RABGAP1L: variants seen among roughly 807,000 people sequenced by gnomAD.
RABGAP1L encodes the protein RAB GTPase activating protein 1 like.
In RABGAP1L, 63 loss-of-function variants were observed where a neutral mutation model predicts 137.7. The observed-to-expected ratio is 0.46, with a 90% CI of 0.37 to 0.56. The LOEUF is 0.56. Among genes scored for constraint, RABGAP1L ranks in the 20% least tolerant of loss-of-function variants. RABGAP1L has a pLI of 0.00. For missense variants in RABGAP1L, 1,095 were observed against 1,244.0 expected (o/e 0.88, Z 1.80); for synonymous variants, 431 against 433.7 (o/e 0.99, Z 0.08).
chr1:174,214,541 CA>C (rs1669139034), intron 1 of RABGAP1L, among the ~76,000 whole-genome samples: 1 of 152,104 alleles, frequency 6.6e-6, no homozygotes, highest in African/African-American at 2.4e-5. Flanking sequence ...CTATCCTAAG[CA>C]AAAAGAACAA....
chr1:174,513,397 TAGG>T (rs924042087), intron 13 of RABGAP1L, among the ~76,000 whole-genome samples: 14 of 152,044 alleles, frequency 9.2e-5, no homozygotes, highest in Middle Eastern at 3.4e-3. Context: ...CGCTTGAGGC[TAGG>T]AGATTGAGAC....
At chr1:174,214,861 A>G (rs1342431565) in intron 1 of RABGAP1L, among the ~76,000 whole-genome samples, 6 of 152,202 alleles carry the variant, frequency 3.9e-5, no homozygotes, top group Non-Finnish European at 7.3e-5. Context: ...AGACTCAAAT[A>G]TAAGACCTCA....
At chr1:174,717,261 T>C (rs1417341855) in intron 17 of RABGAP1L, among the ~76,000 whole-genome samples, 2 of 151,868 alleles carry the variant, frequency 1.3e-5, no homozygotes, top group Non-Finnish European at 2.9e-5. Context: ...AGTTAAAAAA[T>C]TTAGGTAGGC....
chr1:174,637,639 A>G lies in RABGAP1L; in HGVS notation c.1824+151A>G, dbSNP rs1326399723. ...ACACGCTATGAGATCCTCAGTACTG[A>G]TCCCAGAAGGTGACTTTTCGGTTGC... is the stretch of plus-strand genomic sequence containing the variant. On this transcript the variant is annotated intron_variant, in intron 14 of 25. Coordinates refer to ENST00000681986, the MANE Select transcript of RABGAP1L (RefSeq NM_001366446.1). The G allele has an allele frequency of 2.2e-5, 13 of 583,680 alleles. No individual in the cohort carries two copies. In the East Asian group the frequency reaches 3.7e-4, roughly 17 times the overall value. The allele number at this position is 583,680 out of a possible 1,614,324, so 36.2% of individuals were successfully genotyped here. A position where few individuals can be genotyped will look rare whatever the true frequency, so the allele number is the denominator to read the frequency against.
At chr1:174,188,481 A>C (rs1439505992) in intron 1 of RABGAP1L, among the ~76,000 whole-genome samples, 1 of 152,224 alleles carries the variant, frequency 6.6e-6, no homozygotes, top group Non-Finnish European at 1.5e-5. Flanking sequence ...TGATACGATA[A>C]ATGCTAGAGT....
intron 3 of RABGAP1L, among the ~76,000 whole-genome samples, chr1:174,229,097 T>C (rs1263767562): frequency 1.3e-5 from 2 of 152,104 alleles, no homozygotes; most frequent in African/African-American, 4.8e-5. Flanking sequence ...TCAAAAATAA[T>C]TATTTTGAGG....
chr1:174,222,883 C>T (rs1669865791), intron 3 of RABGAP1L, among the ~76,000 whole-genome samples: 1 of 152,128 alleles, frequency 6.6e-6, no homozygotes, highest in Non-Finnish European at 1.5e-5. Flanking sequence ...TGCCTGTAAT[C>T]CCAGCAATTT....
chr1:174,730,430 T>C (rs932727425), intron 17 of RABGAP1L, among the ~76,000 whole-genome samples: 3 of 152,190 alleles, frequency 2.0e-5, no homozygotes, highest in Admixed American at 6.5e-5. Flanking sequence ...AATATAGCCA[T>C]GTAACCGACC....
chr1:174,727,863 T>C (rs988821610), intron 17 of RABGAP1L, among the ~76,000 whole-genome samples: 2 of 152,166 alleles, frequency 1.3e-5, no homozygotes, highest in African/African-American at 4.8e-5. Context: ...TCCACCAAAA[T>C]CTGATTTTCT....
At chr1:174,880,819 T>C (rs1405351091) in intron 19 of RABGAP1L, among the ~76,000 whole-genome samples, 1 of 152,094 alleles carries the variant, frequency 6.6e-6, no homozygotes, top group African/African-American at 2.4e-5. Context: ...ACTCTTGGGC[T>C]CCAGCAATCC....
In RABGAP1L at chr1:174,252,549, T is replaced by G; in HGVS notation, c.945T>G (p.Ile315Met). Reference protein sequence around the residue: ...LKQGIEKKVVITVQQLSNKEL... With the variant: ...LKQGIEKKVVMTVQQLSNKEL... ...AAGGAATAGAGAAGAAGGTTGTGAT[T>G]ACAGTGCAGCAACTTTCTAACAAAG... The change falls in exon 7 of 26, where the codon ATT becomes ATG. Residue 315 changes from isoleucine (I) to methionine (M), a missense_variant. Transcript: ENST00000681986. The G allele has an allele frequency of 1.2e-6, 2 of 1,612,482 alleles. No individual in the cohort carries two copies. The highest frequency in any genetic ancestry group is 1.7e-6 in the Non-Finnish European group (2 of 1,179,478).
intron 18 of RABGAP1L, among the ~76,000 whole-genome samples, chr1:174,777,606 C>T (rs1269924415): frequency 2.0e-5 from 3 of 152,096 alleles, no homozygotes; most frequent in Non-Finnish European, 4.4e-5. Context: ...CGAAATCACT[C>T]TAGATTTTAT....
At chr1:174,666,135 T>G (rs1676768698) in intron 14 of RABGAP1L, among the ~76,000 whole-genome samples, 1 of 152,226 alleles carries the variant, frequency 6.6e-6, no homozygotes, top group Non-Finnish European at 1.5e-5. Flanking sequence ...AGATCTCTTC[T>G]TAGTTTGCAA....
chr1:174,617,373 T>C (rs1054354257), intron 13 of RABGAP1L, among the ~76,000 whole-genome samples: 1 of 152,178 alleles, frequency 6.6e-6, no homozygotes, highest in Non-Finnish European at 1.5e-5. Flanking sequence ...AGTTGTAATA[T>C]TAACCAGGCT....
intron 11 of RABGAP1L, among the ~76,000 whole-genome samples, chr1:174,322,358 C>G (rs943514125): frequency 2.0e-5 from 3 of 152,048 alleles, no homozygotes; most frequent in Non-Finnish European, 4.4e-5. Flanking sequence ...CTGGGCAGTT[C>G]TGGCTAAGAC....
At chr1:174,276,089 G>A (rs1674973542) in intron 9 of RABGAP1L, among the ~76,000 whole-genome samples, 154 bp downstream of exon 9, 1 of 151,710 alleles carries the variant, frequency 6.6e-6, no homozygotes, top group African/African-American at 2.4e-5. Context: ...TGCTTCTATG[G>A]GGGAAATCTC....
chr1:174,516,564 C>G (rs1424887942), intron 13 of RABGAP1L, among the ~76,000 whole-genome samples: 1 of 151,962 alleles, frequency 6.6e-6, no homozygotes, highest in African/African-American at 2.4e-5. Flanking sequence ...GAATCAATGA[C>G]TATTACTTGA....
chr1:174,783,753 G>T lies in RABGAP1L; in HGVS notation c.2212-28079G>T, dbSNP rs552504012. On this transcript the variant is annotated intron_variant, in intron 18 of 25. Coordinates refer to ENST00000681986, the MANE Select transcript of RABGAP1L (RefSeq NM_001366446.1). Reference sequence around the variant, plus strand: ...GAGATGGAGCCTCACTCTGCCGCCAGGCTGGAGTGCAGTGGCGTGATCCCA... The same window carrying T: ...GAGATGGAGCCTCACTCTGCCGCCATGCTGGAGTGCAGTGGCGTGATCCCA... Among the ~76,000 whole-genome samples the T allele has an allele frequency of 4.6e-5, 6 of 130,784 alleles. No homozygotes were observed. In the East Asian group the frequency reaches 1.3e-3, roughly 29 times the overall value. 85.8% of individuals were successfully genotyped at this position (130,784 alleles called of 152,430 possible).
chr1:174,232,445 A>G (rs1314740960), intron 4 of RABGAP1L, among the ~76,000 whole-genome samples: 3 of 151,002 alleles, frequency 2.0e-5, no homozygotes, highest in African/African-American at 7.3e-5. Context: ...AGATCATGCC[A>G]CTGCACTCCA....
Sources: gnomAD v4.1 joint callset for allele counts (sites outside exome capture counted in the v4.1 genomes callset) on GRCh38, gnomAD v4.1.1 for gene constraint, MANE v1.5 for transcripts, NCBI Gene and HGNC (gene_info 2026-07-23, HGNC 2026-07-21) for gene names.